Variants in VIL1 observed in about 807,000 individuals in gnomAD.
VIL1 encodes the protein villin 1.
Under a neutral mutation model 104.0 loss-of-function variants are expected in VIL1, and 86 were observed. The ratio of observed to expected loss-of-function variants is 0.83; its 90% confidence interval spans 0.69 to 0.99. The LOEUF (loss-of-function observed/expected upper bound fraction) is 0.99. Ranked by LOEUF, VIL1 falls within the 50% of genes least tolerant of loss-of-function variation. The pLI is 0.00. For synonymous variants in VIL1, 394 were observed against 412.6 expected, an observed-to-expected ratio of 0.95 and a Z score of 0.55; for missense variants, 944 against 1,054.1, an observed-to-expected ratio of 0.90 and a Z score of 1.45.
At chr2:218,429,247 C>T (rs765711447) in intron 6 of VIL1, 38 bp from the exon 7 acceptor site, 22 of 1,580,456 alleles carry the variant, frequency 1.4e-5, no homozygotes, top group East Asian at 4.5e-5. Context: ...CCTCATTCCC[C>T]GACTACTCCC....
chr2:218,420,837 G>A (rs556024055), intron 1 of VIL1, among the ~76,000 whole-genome samples: 70 of 152,158 alleles, frequency 4.6e-4, no homozygotes, highest in African/African-American at 1.2e-3. Flanking sequence ...CGCCTGCCTC[G>A]GCCTCCCAAA....
In VIL1 at chr2:218,432,064, C is replaced by T. The variant is rs561598337; in HGVS notation, c.1222C>T (p.Leu408=). Residue 408 remains leucine, a synonymous_variant, in exon 12 of 20, where the codon CTA becomes TTA. Transcript: ENST00000248444. The stretch of plus-strand genomic sequence containing the variant: ...GCCCTAGGTGTGGCGCATTGAGAAC[C>T]TAGAGCTGGTACCTGTGGATTCCAA... The part of the protein sequence containing the change: ...GEVQVWRIEN[L]ELVPVDSKWL... 1.9e-6 allele frequency: 3 copies of T among 1,614,128 alleles called. No individual in the cohort carries two copies. The highest frequency in any genetic ancestry group is 2.5e-6 in the Non-Finnish European group (3 of 1,180,016).
chr2:218,441,271 C>T (rs1689279814), intron 19 of VIL1, among the ~76,000 whole-genome samples: 1 of 151,942 alleles, frequency 6.6e-6, no homozygotes, highest in Non-Finnish European at 1.5e-5. Context: ...TGCCTGTAAT[C>T]CCAGCTACTC....
intron 4 of VIL1, among the ~76,000 whole-genome samples, chr2:218,426,495 A>G (rs1040670199): frequency 6.6e-5 from 10 of 152,000 alleles, no homozygotes; most frequent in African/African-American, 2.4e-4. Context: ...CAAGTGATCC[A>G]TCTGCCTCAG....
intron 19 of VIL1, among the ~76,000 whole-genome samples, chr2:218,448,357 G>T (rs1373513111): frequency 6.6e-6 from 1 of 152,122 alleles, no homozygotes; most frequent in Non-Finnish European, 1.5e-5. Flanking sequence ...TTGAGGCCAG[G>T]AGTTCGAGAC....
At chr2:218,435,250 G>T (rs1689168443) in intron 14 of VIL1, 39 bp from the exon 15 acceptor site, 3 of 1,602,342 alleles carry the variant, frequency 1.9e-6, no homozygotes, top group African/African-American at 2.7e-5. Flanking sequence ...GTGGAGGTAG[G>T]GGTGGCACTA....
rs150581696 is a variant in VIL1, at chr2:218,427,983, G to A, written c.366G>A (p.Val122=). Residue 122 remains valine (V), a synonymous_variant, in exon 5 of 20, where the codon GTG becomes GTA. Transcript: ENST00000248444. ...TTCTCAGGATCCGGAAAGGGGGCGT[G>A]GCTTCTGGCATGAAGCACGTGGAGA... ...KQGLVIRKGG[V]ASGMKHVETN... is the part of the protein sequence containing the mutation. 39 of 1,614,096 alleles carry A rather than the reference G, an allele frequency of 2.4e-5. No individual in the cohort carries two copies. Among genetic ancestry groups the A allele is most frequent in the Non-Finnish European group, 3.2e-5 (38 of 1,180,012 alleles).
chr2:218,436,973 TCAAGGC>T (rs931463930), intron 16 of VIL1, 145 bp from the exon 17 acceptor site: 3 of 923,464 alleles, frequency 3.2e-6, no homozygotes, highest in African/African-American at 3.3e-5. Context: ...AGATACAAAT[TCAAGGC>T]CAGATGATGC....
At chr2:218,438,264 T>A (rs568514990) in intron 17 of VIL1, among the ~76,000 whole-genome samples, 2 of 152,286 alleles carry the variant, frequency 1.3e-5, no homozygotes, top group African/African-American at 2.4e-5. Context: ...GTGGCAGGGC[T>A]CCCTTCTATT....
rs989060814 is a variant in VIL1, at chr2:218,436,339, G to T, written c.1827-143G>T. The T allele has an allele frequency of 1.5e-5, 17 of 1,101,602 alleles. No homozygotes were observed. In the African/African-American group the frequency reaches 2.4e-4, roughly 15 times the overall value. 68.2% of individuals were successfully genotyped at this position (1,101,602 alleles called of 1,614,324 possible). On this transcript the variant is annotated intron_variant, in intron 15 of 19. Transcript: ENST00000248444. ...TCAGAGCACTCTTGGAATGAGAGGG[G>T]ACCCTTTTATCAATCAGAAGATAGA... is the stretch of plus-strand genomic sequence containing the variant.
chr2:218,430,087 G>A, intron 9 of VIL1, 140 bp downstream of exon 9: 1 of 787,204 alleles, frequency 1.3e-6, no homozygotes, highest in South Asian at 1.8e-5. Flanking sequence ...GGAGGAGCAG[G>A]ATGAGGGCTG....
Position 218,451,408 on chromosome 2 carries a change from C to A in VIL1, c.*2072C>A, listed in dbSNP as rs1689473411. 1 of 152,176 alleles carries A rather than the reference C, an allele frequency of 6.6e-6. No individual in the cohort carries two copies. The highest frequency in any genetic ancestry group is 1.5e-5 in the Non-Finnish European group (1 of 68,036). 9.4% of individuals were successfully genotyped at this position (152,176 alleles called of 1,614,324 possible). On this transcript the variant is annotated 3_prime_UTR_variant, in exon 20 of 20. Coordinates refer to ENST00000248444, the MANE Select transcript of VIL1 (RefSeq NM_007127.3). ...AATTAAATTAAAAAGGCCCTCCAAC[C>A]ACCCTAAATGGGATAACTAAGAGTA...
intron 1 of VIL1, among the ~76,000 whole-genome samples, chr2:218,423,024 G>A (rs1688922887): frequency 6.6e-6 from 1 of 152,214 alleles, no homozygotes; most frequent in Non-Finnish European, 1.5e-5. Flanking sequence ...AATCACCAGA[G>A]CCTGGAGCAT....
chr2:218,432,068 A>G lies in VIL1; in HGVS notation c.1226A>G (p.Glu409Gly). 6.2e-7 allele frequency: 1 copy of G among 1,614,022 alleles called. No individual in the cohort carries two copies. Among genetic ancestry groups the G allele is most frequent in the East Asian group, 2.2e-5 (1 of 44,862 alleles). ...EVQVWRIENL[E>G]LVPVDSKWLG... Reference sequence around the variant, plus strand: ...TAGGTGTGGCGCATTGAGAACCTAGAGCTGGTACCTGTGGATTCCAAGTGG... The same window carrying G: ...TAGGTGTGGCGCATTGAGAACCTAGGGCTGGTACCTGTGGATTCCAAGTGG... Residue 409 changes from glutamate (E) to glycine (G), a missense_variant, in exon 12 of 20, where the codon GAG becomes GGG. Transcript: ENST00000248444.
intron 18 of VIL1, among the ~76,000 whole-genome samples, chr2:218,439,720 G>C (rs143429253): frequency 6.6e-6 from 1 of 151,662 alleles, no homozygotes; most frequent in Non-Finnish European, 1.5e-5. Context: ...AGGAGGCTGA[G>C]GTGGGAGGTT....
At chr2:218,429,124 T>C (rs75981802) in intron 6 of VIL1, among the ~76,000 whole-genome samples, 161 bp from the exon 7 acceptor site, 7,458 of 152,284 alleles carry the variant, frequency 0.049, 525 homozygotes, top group African/African-American at 0.16. Flanking sequence ...TTTCCTTACA[T>C]GCCTTAAAAG....
In VIL1 at chr2:218,424,218, C is replaced by T. The variant is rs375863846; in HGVS notation, c.76-59C>T. Reference sequence around the variant, plus strand: ...CGCCTCCTCCCCTTGGGCCCTCCTCCCAGGCCTAGGGGTCCTGGTGGTCCA... The same window carrying T: ...CGCCTCCTCCCCTTGGGCCCTCCTCTCAGGCCTAGGGGTCCTGGTGGTCCA... On this transcript the variant is annotated intron_variant, in intron 2 of 19. Coordinates refer to ENST00000248444, the MANE Select transcript of VIL1 (RefSeq NM_007127.3). 9.9e-4 allele frequency: 1,520 copies of T among 1,530,580 alleles called. 35 individuals are homozygous for T. In the South Asian group the frequency reaches 0.016, roughly 16 times the overall value. 94.8% of individuals were successfully genotyped at this position (1,530,580 alleles called of 1,614,324 possible).
At chr2:218,423,616 G>C in intron 1 of VIL1, 152 bp from the exon 2 acceptor site, 1 of 681,248 alleles carries the variant, frequency 1.5e-6, no homozygotes. Flanking sequence ...CTAAACAAGC[G>C]GAAATGGTCC....
chr2:218,447,951 G>A (rs1689392603), intron 19 of VIL1, among the ~76,000 whole-genome samples: 2 of 152,158 alleles, frequency 1.3e-5, no homozygotes, highest in African/African-American at 4.8e-5. Context: ...AAAAGCAAGT[G>A]AAAATTTGCC....
Sources: gnomAD v4.1 joint callset for allele counts (sites outside exome capture counted in the v4.1 genomes callset) on GRCh38, gnomAD v4.1.1 for gene constraint, MANE v1.5 for transcripts, NCBI Gene and HGNC (gene_info 2026-07-23, HGNC 2026-07-21) for gene names.